HTR1E: variants seen among roughly 807,000 people sequenced by gnomAD.
HTR1E encodes 5-HT-1E.
HTR1E carries 3 observed loss-of-function variants against 3.4 expected under a neutral mutation model. The ratio of observed to expected loss-of-function variants is 0.89; its 90% CI spans 0.41 to 2.31. The LOEUF is 2.31. HTR1E is among the 30% of genes most tolerant of loss of function. The pLI, the probability that HTR1E is intolerant of heterozygous loss-of-function variation, is 0.05. For synonymous variants in HTR1E, 170 were observed against 182.8 expected (o/e 0.93, Z 0.56); for missense variants, 392 against 467.0 (o/e 0.84, Z 1.48).
intron 1 of HTR1E, among the ~76,000 whole-genome samples, chr6:86,975,061 C>T (rs764640525): frequency 1.3e-5 from 2 of 152,140 alleles, no homozygotes; most frequent in Non-Finnish European, 2.9e-5. Flanking sequence ...GTTTTTATTG[C>T]ATTTGGGGTG....
intron 1 of HTR1E, among the ~76,000 whole-genome samples, chr6:87,011,093 C>A (rs943310868): frequency 1.3e-5 from 2 of 152,154 alleles, no homozygotes; most frequent in African/African-American, 4.8e-5. Context: ...ACTCCATTTG[C>A]AATAGCTACT....
In HTR1E at chr6:86,975,152, C is replaced by T. The variant is rs572533974; in HGVS notation, c.-186+37329C>T. Among the ~76,000 whole-genome samples the T allele has an allele frequency of 1.2e-3, 177 of 152,160 alleles. 3 individuals carry two copies. Among genetic ancestry groups the T allele is most frequent in the Non-Finnish European group, 3.2e-4 (22 of 68,036 alleles). On this transcript the variant is annotated intron_variant, in intron 1 of 1. Transcript: ENST00000305344. ...AAGTGCACACATGTATAAATCCACA[C>T]GTTTACATCAATAGTTATTATCTAC...
intron 1 of HTR1E, among the ~76,000 whole-genome samples, chr6:87,010,368 A>AC (rs1236761353): frequency 0.021 from 1,916 of 92,088 alleles, 34 homozygotes; most frequent in African/African-American, 0.064. Context: ...CGGGGGGCTG[A>AC]CCCCCCCATC....
intron 1 of HTR1E, among the ~76,000 whole-genome samples, chr6:86,960,226 C>T (rs902852714): frequency 3.3e-4 from 50 of 152,118 alleles, no homozygotes; most frequent in African/African-American, 1.1e-3. Flanking sequence ...TCTTGCTGCA[C>T]CATCCCAAGG....
intron 1 of HTR1E, among the ~76,000 whole-genome samples, chr6:86,982,326 C>T (rs1325749368): frequency 6.6e-6 from 1 of 152,158 alleles, no homozygotes; most frequent in African/African-American, 2.4e-5. Context: ...CTTTACTGGG[C>T]TTTGAGAATT....
At chr6:86,947,661 G>A (rs1266803782) in intron 1 of HTR1E, among the ~76,000 whole-genome samples, 1 of 151,828 alleles carries the variant, frequency 6.6e-6, no homozygotes, top group East Asian at 1.9e-4. Flanking sequence ...GAAATCAGGA[G>A]TATGTTATAT....
At chr6:86,992,696 G>C (rs1343069854) in intron 1 of HTR1E, among the ~76,000 whole-genome samples, 1 of 152,194 alleles carries the variant, frequency 6.6e-6, no homozygotes, top group African/African-American at 2.4e-5. Flanking sequence ...GTCAGGAAAT[G>C]TGCAAGCACT....
At chr6:86,980,725 T>C (rs1054339685) in intron 1 of HTR1E, among the ~76,000 whole-genome samples, 1 of 152,256 alleles carries the variant, frequency 6.6e-6, no homozygotes, top group Non-Finnish European at 1.5e-5. Flanking sequence ...AATATTCTTC[T>C]AGTTTCATAG....
At chr6:86,953,223 G>A (rs1300944607) in intron 1 of HTR1E, among the ~76,000 whole-genome samples, 1 of 152,144 alleles carries the variant, frequency 6.6e-6, no homozygotes, top group Non-Finnish European at 1.5e-5. Context: ...AATATGTTGG[G>A]AGGAGTTTAC....
At chr6:86,944,374 G>A (rs920580681) in intron 1 of HTR1E, among the ~76,000 whole-genome samples, 1 of 152,194 alleles carries the variant, frequency 6.6e-6, no homozygotes, top group Admixed American at 6.5e-5. Context: ...GACATCAGAA[G>A]CTGTTTGATA....
intron 1 of HTR1E, among the ~76,000 whole-genome samples, chr6:86,946,433 G>T (rs944274617): frequency 6.6e-5 from 10 of 152,230 alleles, no homozygotes; most frequent in Non-Finnish European, 1.0e-4. Flanking sequence ...CATAGCCTAG[G>T]TGTGCAGTAG....
rs574940802 is a variant in HTR1E at position 87,016,489 on chromosome 6, A to G, written c.*57A>G. Reference sequence around the variant, plus strand: ...CAGAGCCTCATGAGTGGATGGGGGTAAGGGGTGCAACTTATTAATTCTTGA... The same window carrying G: ...CAGAGCCTCATGAGTGGATGGGGGTGAGGGGTGCAACTTATTAATTCTTGA... On this transcript the variant is annotated 3_prime_UTR_variant, in exon 2 of 2. Transcript: ENST00000305344. 8 of 1,431,244 alleles carry G rather than the reference A, an allele frequency of 5.6e-6. No individual in the cohort carries two copies. In the African/African-American group the frequency reaches 1.0e-4, roughly 18 times the overall value. The allele number at this position is 1,431,244 out of a possible 1,614,324, so 88.7% of individuals were successfully genotyped here. A position where few individuals can be genotyped will look rare whatever the true frequency, so the allele number is the denominator to read the frequency against.
intron 1 of HTR1E, among the ~76,000 whole-genome samples, chr6:87,006,706 A>C (rs144209961): frequency 3.9e-5 from 6 of 152,316 alleles, no homozygotes; most frequent in African/African-American, 1.4e-4. Flanking sequence ...TGGTAAAGAA[A>C]ACGTGGTACA....
intron 1 of HTR1E, among the ~76,000 whole-genome samples, chr6:86,941,017 A>G (rs1768537756): frequency 6.6e-6 from 1 of 152,216 alleles, no homozygotes; most frequent in Non-Finnish European, 1.5e-5. Context: ...ACAAGTGACG[A>G]GGGGACAGAT....
At chr6:86,982,602 TA>T (rs138294108) in intron 1 of HTR1E, among the ~76,000 whole-genome samples, 24,083 of 152,140 alleles carry the variant, frequency 0.16, 2,514 homozygotes, top group African/African-American at 0.29. Context: ...GTCTTCAGCT[TA>T]AATTACCTAT....
chr6:86,939,017 G>A (rs1315857988), intron 1 of HTR1E, among the ~76,000 whole-genome samples: 2 of 152,176 alleles, frequency 1.3e-5, no homozygotes, highest in South Asian at 2.1e-4. Flanking sequence ...GATTCCCTGT[G>A]CGGTCTCCTT....
At chr6:86,952,498 G>GACACACACAC (rs149359215) in intron 1 of HTR1E, among the ~76,000 whole-genome samples, 17 of 147,030 alleles carry the variant, frequency 1.2e-4, no homozygotes, top group African/African-American at 4.2e-4. Flanking sequence ...CACACACACA[G>GACACACACAC]ACACACACAC....
At chr6:86,994,367 T>C (rs181896494) in intron 1 of HTR1E, among the ~76,000 whole-genome samples, 1 of 151,564 alleles carries the variant, frequency 6.6e-6, no homozygotes, top group Non-Finnish European at 1.5e-5. Flanking sequence ...AAACAAAAAA[T>C]CTTGCAGCTG....
chr6:86,979,026 C>A (rs1200024492), intron 1 of HTR1E, among the ~76,000 whole-genome samples: 1 of 152,156 alleles, frequency 6.6e-6, no homozygotes, highest in African/African-American at 2.4e-5. Context: ...GTTTTAGTAC[C>A]AGCTGCCATC....
Sources: gnomAD v4.1 joint callset for allele counts (sites outside exome capture counted in the v4.1 genomes callset) on GRCh38, gnomAD v4.1.1 for gene constraint, MANE v1.5 for transcripts, NCBI Gene and HGNC (gene_info 2026-07-23, HGNC 2026-07-21) for gene names.